ATRX: variants seen among roughly 807,000 people sequenced by gnomAD.
The protein encoded by ATRX is ATRX chromatin remodeler, also known as chromatin remodeler ATRX.
ATRX carries 12 observed loss-of-function variants against 172.6 expected under a neutral mutation model. That is an observed-to-expected ratio of 0.07 (90% CI 0.04 to 0.11). The LOEUF (loss-of-function observed/expected upper bound fraction) is 0.11. Ranked by LOEUF, ATRX falls within the 10% of genes least tolerant of loss-of-function variation. ATRX has a pLI of 1.00. For missense variants in ATRX, 1,368 were observed against 1,767.4 expected (o/e 0.77, Z 4.05); for synonymous variants, 674 against 594.7 (o/e 1.13, Z -1.94).
chrX:77,554,369 T>C (rs1557057937), intron 30 of ATRX, among the ~76,000 whole-genome samples: 2 of 111,882 alleles, frequency 1.8e-5, no homozygotes, highest in Non-Finnish European at 1.9e-5. Flanking sequence ...AGTTGAGTTC[T>C]ACCATTTATT....
intron 1 of ATRX, among the ~76,000 whole-genome samples, chrX:77,759,087 A>G (rs1397658164): frequency 8.9e-6 from 1 of 112,272 alleles, no homozygotes; most frequent in Non-Finnish European, 1.9e-5. Context: ...TGACTATTAC[A>G]AAAGATTCAC....
chrX:77,746,486 CTACATAT>C (rs2075082395), intron 1 of ATRX, among the ~76,000 whole-genome samples: 3 of 111,809 alleles, frequency 2.7e-5, no homozygotes, highest in African/African-American at 6.5e-5. Context: ...CCACCTAAAA[CTACATAT>C]CACTCCTTGT....
At chrX:77,717,308 C>G (rs1219136792) in intron 1 of ATRX, 65 bp from the exon 2 acceptor site, 1 of 883,729 alleles carries the variant, frequency 1.1e-6, no homozygotes, top group African/African-American at 2.0e-5. Flanking sequence ...AATTGTAAAG[C>G]TCTAGCAAAC....
At chrX:77,624,095 G>A (rs962328405) in intron 19 of ATRX, among the ~76,000 whole-genome samples, 3 of 111,781 alleles carry the variant, frequency 2.7e-5, no homozygotes, top group African/African-American at 9.8e-5. Flanking sequence ...GGCCGGGTGC[G>A]GTGGCTCACG....
chrX:77,764,300 T>G (rs1019896001), intron 1 of ATRX, among the ~76,000 whole-genome samples: 1 of 111,965 alleles, frequency 8.9e-6, no homozygotes. Flanking sequence ...CTTCTAAGTC[T>G]GCCAGATACC....
rs1602705144 is a variant in ATRX at position 77,593,777 on chromosome X, T to A, written c.6029A>T (p.Asp2010Val). 1 of 1,208,467 alleles carries A rather than the reference T, an allele frequency of 8.3e-7. No homozygotes were observed. The highest frequency in any genetic ancestry group is 3.0e-5 in the East Asian group (1 of 33,762). The change falls in exon 26 of 35, where the codon GAT becomes GTT. Residue 2010 changes from aspartate to valine, a missense_variant. By Grantham distance (152) the Asp-to-Val change is radical (BLOSUM62 -3). Transcript: ENST00000373344. Reference protein sequence around the residue: ...DWYKDFVTDADAEVLEHSGKM... With the variant: ...DWYKDFVTDAVAEVLEHSGKM... ...CCCAGAATGCTCTAAAACCTCAGCA[T>A]CAGCATCTGTAACAAAATCTTTGTA... is the stretch of plus-strand genomic sequence containing the variant.
chrX:77,721,438 C>T (rs1244029074), intron 1 of ATRX, among the ~76,000 whole-genome samples: 1 of 112,040 alleles, frequency 8.9e-6, no homozygotes, highest in Non-Finnish European at 1.9e-5. Context: ...ACCATCTCAG[C>T]CCAAAATCTC....
chrX:77,599,601 A>G lies in ATRX; in HGVS notation c.5787-21T>C, dbSNP rs781885349. 47 of 1,204,103 alleles carry G rather than the reference A, an allele frequency of 3.9e-5. 1 individual carries two copies. The South Asian group carries it at 7.2e-4, about 19-fold the overall frequency. On this transcript the variant is annotated intron_variant, in intron 24 of 34. Transcript: ENST00000373344. The stretch of plus-strand genomic sequence containing the variant: ...TCTTTCTAAAAACAAACAAACAAAC[A>G]AACAAAAAAACACATTCAGATTGTT...
intron 1 of ATRX, among the ~76,000 whole-genome samples, chrX:77,758,137 C>T (rs1241741542): frequency 9.1e-6 from 1 of 110,074 alleles, no homozygotes; most frequent in Non-Finnish European, 1.9e-5. Context: ...GCCTGTAATC[C>T]CAGCACTTTG....
At chrX:77,609,518 C>G (rs1557092837) in intron 22 of ATRX, among the ~76,000 whole-genome samples, 1 of 112,269 alleles carries the variant, frequency 8.9e-6, no homozygotes, top group Admixed American at 9.5e-5. Context: ...TGAGGCAGCT[C>G]TGTCACAAAG....
At chrX:77,622,848 A>G (rs45506495) in intron 19 of ATRX, among the ~76,000 whole-genome samples, 40 of 110,449 alleles carry the variant, frequency 3.6e-4, no homozygotes, top group African/African-American at 1.3e-3. Context: ...GGAGCTGAAT[A>G]CACCCACCTG....
At chrX:77,652,004 G>A in intron 15 of ATRX, 110 bp downstream of exon 15, 1 of 815,883 alleles carries the variant, frequency 1.2e-6, no homozygotes. Flanking sequence ...CAGAAGTTTA[G>A]GAGGCCAAGG....
intron 31 of ATRX, 138 bp from the exon 32 acceptor site, chrX:77,522,526 C>A: frequency 1.4e-6 from 1 of 704,785 alleles, no homozygotes; most frequent in Non-Finnish European, 2.2e-6. Context: ...AACAAAACAC[C>A]CTTTTCACCC....
At chrX:77,608,463 A>G (rs1158352816) in intron 22 of ATRX, among the ~76,000 whole-genome samples, 1 of 110,926 alleles carries the variant, frequency 9.0e-6, no homozygotes, top group Non-Finnish European at 1.9e-5. Context: ...TACTCTACAC[A>G]GGTGCCATGA....
chrX:77,618,229 C>T (rs1266784860), intron 21 of ATRX, among the ~76,000 whole-genome samples: 8 of 111,819 alleles, frequency 7.2e-5, no homozygotes, highest in African/African-American at 1.6e-4. Flanking sequence ...AGAGAAAGTG[C>T]GTATCTTGAG....
chrX:77,677,160 C>T (rs1049180581), intron 9 of ATRX, among the ~76,000 whole-genome samples: 1 of 110,242 alleles, frequency 9.1e-6, no homozygotes, highest in Admixed American at 9.7e-5. Context: ...GCATTTCATT[C>T]TATATAAATT....
intron 5 of ATRX, among the ~76,000 whole-genome samples, chrX:77,695,886 ATTAT>A (rs1339645229): frequency 9.0e-6 from 1 of 111,700 alleles, no homozygotes; most frequent in Non-Finnish European, 1.9e-5. Flanking sequence ...ACTACAACAT[ATTAT>A]TTAACAAAGA....
intron 22 of ATRX, among the ~76,000 whole-genome samples, chrX:77,602,961 G>GT (rs1483473581): frequency 1.8e-5 from 2 of 110,191 alleles, no homozygotes; most frequent in African/African-American, 3.3e-5. Flanking sequence ...GGGAAAAGTT[G>GT]TTTTTTTGAA....
chrX:77,599,380 C>T (rs1273981194), intron 25 of ATRX, 31 bp downstream of exon 25: 1 of 1,204,876 alleles, frequency 8.3e-7, no homozygotes, highest in Non-Finnish European at 1.1e-6. Flanking sequence ...AATTACTGTT[C>T]CATGATAAAG....
Sources: gnomAD v4.1 joint callset for allele counts (sites outside exome capture counted in the v4.1 genomes callset) on GRCh38, gnomAD v4.1.1 for gene constraint, MANE v1.5 for transcripts, NCBI Gene and HGNC (gene_info 2026-07-23, HGNC 2026-07-21) for gene names.